The following KIF1B variants were observed in gnomAD, a reference collection of about 807,000 sequenced individuals.
The protein encoded by KIF1B is kinesin-like protein KIF1B.
Under a neutral mutation model 241.9 loss-of-function variants are expected in KIF1B, and 76 were observed. That is an observed-to-expected ratio of 0.31 (90% CI 0.26 to 0.38). The LOEUF (loss-of-function observed/expected upper bound fraction) is 0.38, where lower values mean the gene tolerates loss of function less well. Ranked by LOEUF, KIF1B falls within the 10% of genes least tolerant of loss-of-function variation. The pLI, the probability that KIF1B is intolerant of heterozygous loss-of-function variation, is 1.00. For missense variants in KIF1B, 1,622 were observed against 2,271.4 expected, an observed-to-expected ratio of 0.71 and a Z score of 5.81; for synonymous variants, 750 against 796.7, an observed-to-expected ratio of 0.94 and a Z score of 0.99.
intron 1 of KIF1B, among the ~76,000 whole-genome samples, chr1:10,226,535 TG>T (rs1646910856): frequency 6.6e-6 from 1 of 152,212 alleles, no homozygotes; most frequent in Non-Finnish European, 1.5e-5. Flanking sequence ...AAAAAAGTTT[TG>T]TTTTGTTTTT....
At position 10,305,826 on chromosome 1, in the gene KIF1B, C is replaced by T. The variant is rs190737953; in HGVS notation, c.2115+8580C>T. 17 of 1,052,576 alleles carry T rather than the reference C, an allele frequency of 1.6e-5. No individual in the cohort carries two copies. The East Asian group carries it at 3.8e-4, about 23-fold the overall frequency. 65.2% of individuals were successfully genotyped at this position (1,052,576 alleles called of 1,614,324 possible). ...GGAAGAAAAGAATTATTTTCTACAT[C>T]GTTCCTCATCTCTTGAGTTTGTCAA... is the stretch of plus-strand genomic sequence containing the variant. On this transcript the variant is annotated intron_variant, in intron 22 of 48. Transcript: ENST00000676179.
At chr1:10,252,109 G>C (rs985363478) in intron 2 of KIF1B, among the ~76,000 whole-genome samples, 15 of 151,626 alleles carry the variant, frequency 9.9e-5, no homozygotes, top group African/African-American at 3.6e-4. Context: ...GTGCAATCTC[G>C]GCTCACTGCA....
At chr1:10,344,829 T>A in intron 34 of KIF1B, 1 of 152,190 alleles carries the variant, frequency 6.6e-6, no homozygotes, top group Non-Finnish European at 1.5e-5. Flanking sequence ...AGTTTATAAA[T>A]GAGGAGACAG....
rs200190257 is a variant in KIF1B, at chr1:10,365,273, C to T, written c.4512+28C>T. 1.5e-5 allele frequency: 25 copies of T among 1,613,584 alleles called. No homozygotes were observed. In the South Asian group the frequency reaches 1.6e-4, roughly 11 times the overall value. On this transcript the variant is annotated intron_variant, in intron 42 of 48. Coordinates refer to ENST00000676179, the MANE Select transcript of KIF1B (RefSeq NM_001365951.3). This position sits in a 1 kb window ranked among gnomAD's most constrained non-coding sequence, Gnocchi z 4.0. ...ATCCAGGGGCAGGGTTGTTCAGATG[C>T]AAGAACTCTCGGACAAGATTGCCAA...
At chr1:10,327,496 C>T (rs1374358764) in intron 27 of KIF1B, among the ~76,000 whole-genome samples, 2 of 142,564 alleles carry the variant, frequency 1.4e-5, no homozygotes, top group Admixed American at 6.9e-5. Context: ...AGCGAAACTC[C>T]GTCTCAAAAA....
At chr1:10,361,634 G>C in intron 39 of KIF1B, 58 bp from the exon 40 acceptor site, 1 of 1,605,352 alleles carries the variant, frequency 6.2e-7, no homozygotes, top group Non-Finnish European at 8.5e-7. Context: ...TTCGTGTATA[G>C]ACTCTAGTCA....
Position 10,374,192 on chromosome 1 carries a change from T to A in KIF1B, c.4947-124T>A, listed in dbSNP as rs1329222302. On this transcript the variant is annotated intron_variant, in intron 45 of 48. Transcript: ENST00000676179. The surrounding 1 kb of genome is among the most constrained non-coding windows in gnomAD (Gnocchi z 4.3). ...TCTCCTCAGCTGAGCTCTCTGCAAC[T>A]CAAGTTTGCAGCTGGGGTTTAGGGA... 2 of 1,018,560 alleles carry A rather than the reference T, an allele frequency of 2.0e-6. No individual in the cohort carries two copies. The highest frequency in any genetic ancestry group is 1.5e-6 in the Non-Finnish European group (1 of 647,354). 63.1% of individuals were successfully genotyped at this position (1,018,560 alleles called of 1,614,324 possible). A position where few individuals can be genotyped will look rare whatever the true frequency, so the allele number is the denominator to read the frequency against.
At chr1:10,304,072 A>G in intron 22 of KIF1B, 1 of 1,612,844 alleles carries the variant, frequency 6.2e-7, no homozygotes, top group Non-Finnish European at 8.5e-7. Flanking sequence ...CTTCCCCTTT[A>G]AGAGCAACCC....
intron 5 of KIF1B, 138 bp from the exon 6 acceptor site, chr1:10,267,242 C>T: frequency 2.9e-6 from 2 of 701,524 alleles, no homozygotes; most frequent in Middle Eastern, 3.9e-4. Context: ...TGGTCTCGAA[C>T]TCGTAGTTCG....
At chr1:10,367,693 C>A (rs1408327420) in intron 43 of KIF1B, among the ~76,000 whole-genome samples, 2 of 151,444 alleles carry the variant, frequency 1.3e-5, no homozygotes, top group Non-Finnish European at 2.9e-5. Context: ...CACCACCATG[C>A]CCAGCTCATT....
intron 2 of KIF1B, 38 bp from the exon 3 acceptor site, chr1:10,256,209 T>C (rs1647771647): frequency 7.9e-7 from 1 of 1,267,086 alleles, no homozygotes; most frequent in Admixed American, 1.7e-5. Context: ...GAACTTGTAA[T>C]TGAGTGACTT....
chr1:10,223,136 C>T (rs1189088050), intron 1 of KIF1B, among the ~76,000 whole-genome samples: 1 of 152,070 alleles, frequency 6.6e-6, no homozygotes, highest in African/African-American at 2.4e-5. Context: ...CCTGTAGTCC[C>T]AGCTACTCGG....
At chr1:10,335,774 G>C (rs775065899) in intron 28 of KIF1B, among the ~76,000 whole-genome samples, 1 of 151,406 alleles carries the variant, frequency 6.6e-6, no homozygotes, top group Non-Finnish European at 1.5e-5. Flanking sequence ...AGGCAGGATT[G>C]CTTGAGCCCA....
rs1376307500 is a variant in KIF1B, at chr1:10,374,826, C to T, written c.5097-28C>T. On this transcript the variant is annotated intron_variant, in intron 46 of 48. Coordinates refer to ENST00000676179, the MANE Select transcript of KIF1B (RefSeq NM_001365951.3). This position sits in a 1 kb window ranked among gnomAD's most constrained non-coding sequence, Gnocchi z 4.3. ...ACGATTATTTTCTTTTTGTGAGAAA[C>T]TAACTTTTGTCATATTGTCGTTTTT... The T allele has an allele frequency of 3.7e-6, 6 of 1,606,582 alleles. No homozygotes were observed. The highest frequency in any genetic ancestry group is 5.1e-6 in the Non-Finnish European group (6 of 1,173,194).
rs911011531 is a variant in KIF1B at position 10,374,656 on chromosome 1, C to T, written c.5096+191C>T. Among the ~76,000 whole-genome samples the T allele has an allele frequency of 6.6e-6, 1 of 152,162 alleles. No individual in the cohort carries two copies. Among genetic ancestry groups the T allele is most frequent in the African/African-American group, 2.4e-5 (1 of 41,440 alleles). On this transcript the variant is annotated intron_variant, in intron 46 of 48. Coordinates refer to ENST00000676179, the MANE Select transcript of KIF1B (RefSeq NM_001365951.3). The surrounding 1 kb of genome is among the most constrained non-coding windows in gnomAD (Gnocchi z 4.3). ...AGTTGGGTCTCATAATGCATCTGCA[C>T]CCTGGCGCAGCATGTTGCCATGGCA... is the stretch of plus-strand genomic sequence containing the variant.
At chr1:10,237,762 T>A (rs776260108) in intron 2 of KIF1B, among the ~76,000 whole-genome samples, 2 of 152,154 alleles carry the variant, frequency 1.3e-5, no homozygotes, top group African/African-American at 4.8e-5. Flanking sequence ...ATCCCAGTAC[T>A]TTGGGAGGCT....
intron 5 of KIF1B, among the ~76,000 whole-genome samples, chr1:10,263,664 C>T (rs911549446): frequency 2.6e-5 from 4 of 152,114 alleles, no homozygotes; most frequent in East Asian, 1.9e-4. Flanking sequence ...GCATATTTTG[C>T]GTTAAAATGA....
Position 10,276,378 on chromosome 1 carries a change from A to G in KIF1B, c.1016A>G (p.Asp339Gly). 1.2e-6 allele frequency: 2 copies of G among 1,613,794 alleles called. No homozygotes were observed. Among genetic ancestry groups the G allele is most frequent in the East Asian group, 2.2e-5 (1 of 44,864 alleles). The change falls in exon 12 of 49, where the codon GAT becomes GGT. Residue 339 changes from aspartate to glycine, a missense_variant. Physicochemically the swap from Asp to Gly is moderately conservative, Grantham distance 94. This residue lies in a region of KIF1B where 201 missense variants were observed against 301.2 expected (regional missense o/e 0.67). Transcript: ENST00000676179. ...AALSPADINYDETLSTLRYAD... is the reference protein window; with the variant it reads ...AALSPADINYGETLSTLRYAD... Reference sequence around the variant, plus strand: ...CTGAGCCCCGCGGATATCAACTACGATGAGACTTTGAGCACTCTGAGGTAC... The same window carrying G: ...CTGAGCCCCGCGGATATCAACTACGGTGAGACTTTGAGCACTCTGAGGTAC...
At chr1:10,234,982 C>T (rs1292863873) in intron 2 of KIF1B, among the ~76,000 whole-genome samples, 1 of 151,560 alleles carries the variant, frequency 6.6e-6, no homozygotes, top group Non-Finnish European at 1.5e-5. Flanking sequence ...CTCTGCCTCT[C>T]GGGTTCAAGC....
Sources: gnomAD v4.1 joint callset for allele counts (sites outside exome capture counted in the v4.1 genomes callset) on GRCh38, gnomAD v4.1.1 for gene constraint, gnomAD v4.1.1 regional missense constraint, Gnocchi (gnomAD v3.1) non-coding constraint, MANE v1.5 for transcripts, NCBI Gene and HGNC (gene_info 2026-07-23, HGNC 2026-07-21) for gene names.